The following ATL2 variants were observed in gnomAD, a reference collection of about 807,000 sequenced individuals.
The protein encoded by ATL2 is atlastin GTPase 2, also known as atlastin-2.
ATL2 carries 31 observed loss-of-function variants against 73.9 expected under a neutral mutation model. The ratio of observed to expected loss-of-function variants is 0.42; its 90% confidence interval spans 0.32 to 0.57. The LOEUF (loss-of-function observed/expected upper bound fraction) is 0.57. Among genes scored for constraint, ATL2 ranks in the 20% least tolerant of loss-of-function variants. The probability of loss-of-function intolerance (pLI) is 0.14; values close to 1 mark genes in which losing one functional copy is unlikely to be tolerated. For synonymous variants in ATL2, 291 were observed against 237.5 expected, an observed-to-expected ratio of 1.23 and a Z score of -2.07; for missense variants, 738 against 702.6, an observed-to-expected ratio of 1.05 and a Z score of -0.57.
Position 38,373,873 on chromosome 2 carries a change from G to A in ATL2, c.118+3270C>T, listed in dbSNP as rs144365969. ...TTATCCTATTGCCATCATATTTTCA[G>A]GTTGGTACTTTCTTCCTGCTATCCT... On this transcript the variant is annotated intron_variant, in intron 1 of 12. Coordinates refer to ENST00000378954, the MANE Select transcript of ATL2 (RefSeq NM_001135673.4). Among the ~76,000 whole-genome samples, 22 of 152,170 alleles carry A rather than the reference G, an allele frequency of 1.4e-4. 1 individual carries two copies. In the South Asian group the frequency reaches 3.9e-3, roughly 27 times the overall value.
chr2:38,300,200 C>T, intron 10 of ATL2, 72 bp downstream of exon 10: 2 of 1,355,392 alleles, frequency 1.5e-6, no homozygotes, highest in Non-Finnish European at 1.0e-6. Flanking sequence ...GCATTTCTCT[C>T]TAAAGCAAAG....
At chr2:38,324,273 A>C (rs534046563) in intron 2 of ATL2, among the ~76,000 whole-genome samples, 61 of 152,258 alleles carry the variant, frequency 4.0e-4, no homozygotes, top group Non-Finnish European at 6.5e-4. Flanking sequence ...AGCGAAACTC[A>C]GTCTCAAAAA....
chr2:38,365,034 A>G (rs1403844641), intron 1 of ATL2, among the ~76,000 whole-genome samples: 1 of 145,484 alleles, frequency 6.9e-6, no homozygotes, highest in African/African-American at 2.7e-5. Flanking sequence ...ACAGAGCGAG[A>G]CTCCGTCTCA....
At chr2:38,359,313 T>A (rs1342983229) in intron 1 of ATL2, among the ~76,000 whole-genome samples, 1 of 151,866 alleles carries the variant, frequency 6.6e-6, no homozygotes, top group African/African-American at 2.4e-5. Flanking sequence ...CCACTAAAAA[T>A]ACAAAAATTA....
intron 1 of ATL2, chr2:38,354,206 G>C: frequency 2.4e-6 from 1 of 418,588 alleles, no homozygotes; most frequent in South Asian, 1.6e-5. Context: ...AAGAGTATCT[G>C]TCATTAGCAG....
At chr2:38,338,340 A>C (rs1669493957) in intron 2 of ATL2, among the ~76,000 whole-genome samples, 1 of 151,842 alleles carries the variant, frequency 6.6e-6, no homozygotes, top group Non-Finnish European at 1.5e-5. Flanking sequence ...GGGTTGAAAA[A>C]CTATTGGTTA....
intron 2 of ATL2, among the ~76,000 whole-genome samples, chr2:38,342,796 G>A (rs1669797967): frequency 6.6e-6 from 1 of 152,118 alleles, no homozygotes; most frequent in South Asian, 2.1e-4. Flanking sequence ...GAACACAGAT[G>A]CTCAATTATA....
At chr2:38,376,430 T>C (rs1414343685) in intron 1 of ATL2, 17 of 341,270 alleles carry the variant, frequency 5.0e-5, no homozygotes, top group Non-Finnish European at 7.8e-5. Context: ...CTTACTATCG[T>C]CCAAGTGACT....
rs116597229 is a variant in ATL2, at chr2:38,338,178, G to A, written c.363+5090C>T. Among the ~76,000 whole-genome samples, 337 of 152,266 alleles carry A rather than the reference G, an allele frequency of 2.2e-3. 3 individuals are homozygous for A. Among genetic ancestry groups the A allele is most frequent in the African/African-American group, 7.8e-3 (322 of 41,546 alleles). ...TTGCAGCAACATGGATGCTGCTGGA[G>A]GCCATTAGCCTAAGCAAATTAATGC... is the stretch of plus-strand genomic sequence containing the variant. On this transcript the variant is annotated intron_variant, in intron 2 of 12. Coordinates refer to ENST00000378954, the MANE Select transcript of ATL2 (RefSeq NM_001135673.4).
chr2:38,312,329 A>G (rs1188989426), intron 7 of ATL2, among the ~76,000 whole-genome samples: 1 of 152,146 alleles, frequency 6.6e-6, no homozygotes, highest in Non-Finnish European at 1.5e-5. Context: ...CTGTTCTTTT[A>G]ACAGTGAGTG....
intron 4 of ATL2, among the ~76,000 whole-genome samples, chr2:38,316,788 A>G (rs531052802): frequency 1.3e-5 from 2 of 152,314 alleles, no homozygotes; most frequent in Admixed American, 6.5e-5. Flanking sequence ...CTTACTATCA[A>G]AAAGTTGAAT....
intron 1 of ATL2, among the ~76,000 whole-genome samples, chr2:38,355,510 A>T (rs1055649285): frequency 1.3e-5 from 2 of 152,198 alleles, no homozygotes; most frequent in Non-Finnish European, 2.9e-5. Context: ...CTATACAGAC[A>T]TTAATCATAA....
At chr2:38,362,952 T>C (rs1373454206) in intron 1 of ATL2, among the ~76,000 whole-genome samples, 5 of 152,224 alleles carry the variant, frequency 3.3e-5, no homozygotes, top group Non-Finnish European at 2.9e-5. Context: ...GAAAACATTA[T>C]TAGTAACTTT....
intron 2 of ATL2, among the ~76,000 whole-genome samples, chr2:38,335,821 A>G (rs1573514803): frequency 6.6e-6 from 1 of 152,280 alleles, no homozygotes; most frequent in East Asian, 1.9e-4. Flanking sequence ...ACAGGCAGAC[A>G]ATGAGGTCAG....
At chr2:38,359,529 T>G (rs1670881717) in intron 1 of ATL2, 1 of 151,998 alleles carries the variant, frequency 6.6e-6, no homozygotes, top group Non-Finnish European at 1.5e-5. Flanking sequence ...TTCATCTCCT[T>G]CCTTCATTAC....
chr2:38,325,948 G>A (rs548122513), intron 2 of ATL2, among the ~76,000 whole-genome samples: 5 of 149,088 alleles, frequency 3.4e-5, no homozygotes, highest in African/African-American at 1.0e-4. Flanking sequence ...CATAGACCAG[G>A]ACTCAGGCCC....
chr2:38,297,544 G>A (rs964445068), intron 12 of ATL2, among the ~76,000 whole-genome samples: 6 of 152,164 alleles, frequency 3.9e-5, no homozygotes, highest in African/African-American at 1.4e-4. Flanking sequence ...ATTCTGGTTC[G>A]AGGTAAAAGA....
chr2:38,333,119 T>C (rs896058297), intron 2 of ATL2, among the ~76,000 whole-genome samples: 13 of 152,102 alleles, frequency 8.5e-5, no homozygotes, highest in African/African-American at 2.9e-4. Flanking sequence ...TCCCAGCACT[T>C]TGGGAAGCCA....
At chr2:38,334,922 T>TTATATATTATAATATATAAATATATA (rs1669258002) in intron 2 of ATL2, among the ~76,000 whole-genome samples, 2 of 137,872 alleles carry the variant, frequency 1.5e-5, no homozygotes, top group African/African-American at 2.7e-5. Context: ...ATAAATATAT[T>TTATATATTATAATATATAAATATATA]TATATATTAT....
Sources: gnomAD v4.1 joint callset for allele counts (sites outside exome capture counted in the v4.1 genomes callset) on GRCh38, gnomAD v4.1.1 for gene constraint, MANE v1.5 for transcripts, NCBI Gene and HGNC (gene_info 2026-07-23, HGNC 2026-07-21) for gene names.